The following FKBP15 variants were observed in gnomAD, a reference collection of about 807,000 sequenced individuals.
FKBP15 encodes FKBP prolyl isomerase family member 15.
A neutral mutation model predicts 158.1 loss-of-function variants in FKBP15; 106 were observed. That is an observed-to-expected ratio of 0.67 (90% CI 0.57 to 0.79). FKBP15 has a LOEUF of 0.79. FKBP15 is among the 30% of genes least tolerant of loss of function. The pLI is 0.00. For synonymous variants in FKBP15, 547 were observed against 548.6 expected (o/e 1.00, Z 0.04); for missense variants, 1,287 against 1,479.1 (o/e 0.87, Z 2.13).
chr9:113,202,328 C>T (rs1055047151), intron 6 of FKBP15, among the ~76,000 whole-genome samples: 1 of 152,100 alleles, frequency 6.6e-6, no homozygotes, highest in African/African-American at 2.4e-5. Flanking sequence ...AAGAAAAAGG[C>T]TAAATTGTCA....
chr9:113,204,204 A>G (rs1830846764), intron 4 of FKBP15, among the ~76,000 whole-genome samples: 1 of 152,166 alleles, frequency 6.6e-6, no homozygotes, highest in Non-Finnish European at 1.5e-5. Context: ...CAGCCTCCCA[A>G]GTAGCTGGGA....
chr9:113,178,705 T>C lies in FKBP15; in HGVS notation c.2011A>G (p.Met671Val), dbSNP rs1830340384. The change falls in exon 20 of 28, where the codon ATG becomes GTG. Residue 671 changes from methionine to valine, a missense_variant. Transcript: ENST00000238256. Reference sequence around the variant, plus strand: ...TCCTTCAGGCTTTCTGTCAGCTGCATCTGCAGCTCTGTTTCCTTTTTTTGG... The same window carrying C: ...TCCTTCAGGCTTTCTGTCAGCTGCACCTGCAGCTCTGTTTCCTTTTTTTGG... Reference protein sequence around the residue: ...AHQKKETELQMQLTESLKETD... With the variant: ...AHQKKETELQVQLTESLKETD... 1.2e-6 allele frequency: 2 copies of C among 1,609,048 alleles called. No homozygotes were observed. Among genetic ancestry groups the C allele is most frequent in the African/African-American group, 1.3e-5 (1 of 74,836 alleles).
rs1830066050 is a variant in FKBP15, at chr9:113,164,326, T to TAGAC, written c.*1748_*1751dup. 6.6e-6 allele frequency: 1 copy of TAGAC among 152,206 alleles called. No individual in the cohort carries two copies. The highest frequency in any genetic ancestry group is 1.5e-5 in the Non-Finnish European group (1 of 68,056). 9.4% of individuals were successfully genotyped at this position (152,206 alleles called of 1,614,324 possible). A position where few individuals can be genotyped will look rare whatever the true frequency, so the allele number is the denominator to read the frequency against. On this transcript the variant is annotated 3_prime_UTR_variant, in exon 28 of 28. Coordinates refer to ENST00000238256, the MANE Select transcript of FKBP15 (RefSeq NM_015258.2). ...CCAGCCCTGAAATGCTGCACCCAGGTAGACACCCCAGAATGCCAACTGAGG... is the reference window on the plus strand; with the variant it reads ...CCAGCCCTGAAATGCTGCACCCAGGTAGACAGACACCCCAGAATGCCAACTGAGG...
intron 1 of FKBP15, among the ~76,000 whole-genome samples, chr9:113,212,232 A>G (rs1831021774): frequency 6.6e-6 from 1 of 152,044 alleles, no homozygotes; most frequent in African/African-American, 2.4e-5. Context: ...TCTGTTGCCC[A>G]GGCTGGAGTG....
intron 3 of FKBP15, chr9:113,207,002 A>G (rs1220119854): frequency 1.9e-6 from 1 of 527,298 alleles, no homozygotes; most frequent in African/African-American, 1.9e-5. Flanking sequence ...TTGAGGGTAC[A>G]AGCACTCCCT....
At position 113,184,504 on chromosome 9, in the gene FKBP15, G is replaced by A; in HGVS notation, c.1609-105C>T. 1 of 984,918 alleles carries A rather than the reference G, an allele frequency of 1.0e-6. No homozygotes were observed. The highest frequency in any genetic ancestry group is 1.6e-6 in the Non-Finnish European group (1 of 640,372). 61.0% of individuals were successfully genotyped at this position (984,918 alleles called of 1,614,324 possible). On this transcript the variant is annotated intron_variant, in intron 16 of 27. Coordinates refer to ENST00000238256, the MANE Select transcript of FKBP15 (RefSeq NM_015258.2). This position sits in a 1 kb window ranked among gnomAD's most constrained non-coding sequence, Gnocchi z 4.5. The stretch of plus-strand genomic sequence containing the variant: ...GTTAAGGGGGTTAATGAGTTCCTGG[G>A]ACAATCTCTAACTGTTAAGTTAGAG...
At chr9:113,213,714 CAG>C (rs746877563) in intron 1 of FKBP15, among the ~76,000 whole-genome samples, 1 of 152,108 alleles carries the variant, frequency 6.6e-6, no homozygotes, top group Non-Finnish European at 1.5e-5. Context: ...CAGGACCCTG[CAG>C]AGAGTTCCTA....
rs1221742470 is a variant in FKBP15 at position 113,202,529 on chromosome 9, A to C, written c.498+2T>G. 1 of 1,568,644 alleles carries C rather than the reference A, an allele frequency of 6.4e-7. No individual in the cohort carries two copies. Among genetic ancestry groups the C allele is most frequent in the South Asian group, 1.2e-5 (1 of 85,302 alleles). On this transcript the variant is annotated splice_donor_variant, in intron 6 of 27. Transcript: ENST00000238256. LOFTEE classifies it high-confidence loss of function. ...TTCACAGGGAGAGTAAGATGTTATC[A>C]CCTGCTTATTGAACTCCACAGCAGC...
rs771241869 is a variant in FKBP15 at position 113,199,855 on chromosome 9, C to T, written c.607G>A (p.Ala203Thr). The change falls in exon 7 of 28, where the codon GCC becomes ACC. Residue 203 changes from alanine to threonine, a missense_variant. By Grantham distance (58) the Ala-to-Thr change is moderately conservative. Transcript: ENST00000238256. ...TTCTGAAAGAGCCAGCCGGTATAGGCCACTTCCAAAGAATCTCCAACTTCT... is the reference window on the plus strand; with the variant it reads ...TTCTGAAAGAGCCAGCCGGTATAGGTCACTTCCAAAGAATCTCCAACTTCT... ...AVEVGDSLEV[A>T]YTGWLFQNHV... 2 of 1,613,024 alleles carry T rather than the reference C, an allele frequency of 1.2e-6. No individual in the cohort carries two copies. Among genetic ancestry groups the T allele is most frequent in the Non-Finnish European group, 1.7e-6 (2 of 1,179,506 alleles).
In FKBP15 at chr9:113,161,508, G is replaced by C; in HGVS notation, c.*4570C>G. On this transcript the variant is annotated 3_prime_UTR_variant, in exon 28 of 28. Coordinates refer to ENST00000238256, the MANE Select transcript of FKBP15 (RefSeq NM_015258.2). ...CTCCACAACTCTGCCTCCTTTGACA[G>C]GCATGGCCCTTTCGGTGTTGGTGCT... 1 of 1,613,896 alleles carries C rather than the reference G, an allele frequency of 6.2e-7. No homozygotes were observed. The highest frequency in any genetic ancestry group is 8.5e-7 in the Non-Finnish European group (1 of 1,179,860).
At chr9:113,213,582 CA>C (rs34466143) in intron 1 of FKBP15, among the ~76,000 whole-genome samples, 3,614 of 140,392 alleles carry the variant, frequency 0.026, 153 homozygotes, top group African/African-American at 0.085. Flanking sequence ...TCCCCCGAAC[CA>C]AAAAAAAAAA....
At chr9:113,182,691 G>A (rs1830419584) in intron 19 of FKBP15, 75 bp downstream of exon 19, 2 of 1,168,580 alleles carry the variant, frequency 1.7e-6, no homozygotes, top group African/African-American at 1.5e-5. Flanking sequence ...AAAGCCGACT[G>A]GTGAGTATGT....
intron 11 of FKBP15, among the ~76,000 whole-genome samples, chr9:113,191,721 G>C (rs1830579313): frequency 6.7e-6 from 1 of 150,028 alleles, no homozygotes; most frequent in South Asian, 2.1e-4. Flanking sequence ...TTGTGTGTGT[G>C]AAAGGAGGGA....
chr9:113,192,035 T>A (rs1447402238), intron 11 of FKBP15, among the ~76,000 whole-genome samples: 2 of 148,088 alleles, frequency 1.4e-5, no homozygotes, highest in Admixed American at 6.7e-5. Context: ...CAAATTTGTT[T>A]AAAAAAAAAA....
At chr9:113,215,300 G>A (rs965217292) in intron 1 of FKBP15, among the ~76,000 whole-genome samples, 3 of 151,308 alleles carry the variant, frequency 2.0e-5, no homozygotes, top group Admixed American at 6.6e-5. Context: ...ACTTGAGGTC[G>A]TTGTAGGGTT....
At chr9:113,196,547 C>T (rs1830688947) in intron 9 of FKBP15, among the ~76,000 whole-genome samples, 1 of 152,038 alleles carries the variant, frequency 6.6e-6, no homozygotes, top group Admixed American at 6.5e-5. Context: ...CCACGCCTGG[C>T]TAATTTTTTG....
rs576691289 is a variant in FKBP15, at chr9:113,191,579, T to C, written c.1066-1001A>G. On this transcript the variant is annotated intron_variant, in intron 11 of 27. Transcript: ENST00000238256. ...ATGCACACAATGGAATATTGTGATA[T>C]GCAGATTAAAATGAGGAAGCTCTCT... Among the ~76,000 whole-genome samples, 87 of 150,888 alleles carry C rather than the reference T, an allele frequency of 5.8e-4. 1 individual carries two copies. The highest frequency in any genetic ancestry group is 2.0e-3 in the African/African-American group (82 of 41,236).
Position 113,196,993 on chromosome 9 carries a change from C to T in FKBP15, c.803G>A (p.Gly268Glu), listed in dbSNP as rs1157294334. 16 of 1,613,868 alleles carry T rather than the reference C, an allele frequency of 9.9e-6. No individual in the cohort carries two copies. Among genetic ancestry groups the T allele is most frequent in the Admixed American group, 5.0e-5 (3 of 60,000 alleles). The change falls in exon 9 of 28, where the codon GGG (glycine) becomes GAG (glutamate). Residue 268 changes from glycine (G) to glutamate (E), a missense_variant. By Grantham distance (98) the Gly-to-Glu change is moderately conservative (BLOSUM62 -2). Transcript: ENST00000238256. ...CGTTGCTTGAGTCCAGCCTATTACC[C>T]CTTCTGAGCCAACAGCACAGGCTGG... ...VPPACAVGSE[G>E]VIGWTQATDS...
At position 113,197,006 on chromosome 9, in the gene FKBP15, C is replaced by A. The variant is rs779858527; in HGVS notation, c.790G>T (p.Val264Phe). Reference sequence around the variant, plus strand: ...CAGCCTATTACCCCTTCTGAGCCAACAGCACAGGCTGGAGGGACAATAAGC... The same window carrying A: ...CAGCCTATTACCCCTTCTGAGCCAAAAGCACAGGCTGGAGGGACAATAAGC... Reference protein sequence around the residue: ...RLLIVPPACAVGSEGVIGWTQ... With the variant: ...RLLIVPPACAFGSEGVIGWTQ... Residue 264 changes from valine (V) to phenylalanine (F), a missense_variant, in exon 9 of 28, where the codon GTT becomes TTT. By Grantham distance (50) the Val-to-Phe change is conservative. Coordinates refer to ENST00000238256, the MANE Select transcript of FKBP15 (RefSeq NM_015258.2). The A allele has an allele frequency of 1.2e-6, 2 of 1,614,004 alleles. No homozygotes were observed. The highest frequency in any genetic ancestry group is 1.6e-4 in the Middle Eastern group (1 of 6,062).
Sources: allele counts gnomAD v4.1 joint callset (sites outside exome capture counted in the v4.1 genomes callset), GRCh38; gene constraint gnomAD v4.1.1; non-coding constraint Gnocchi (gnomAD v3.1); transcripts MANE v1.5; gene names NCBI Gene and HGNC (gene_info 2026-07-23, HGNC 2026-07-21).